Variants in RABGEF1 observed in about 807,000 individuals in gnomAD.
The protein encoded by RABGEF1 is rab5 GDP/GTP exchange factor.
In RABGEF1, 26 loss-of-function variants were observed where a neutral mutation model predicts 57.3. The ratio of observed to expected loss-of-function variants is 0.45; its 90% CI spans 0.33 to 0.63. RABGEF1 has a LOEUF of 0.63. Among genes scored for constraint, RABGEF1 ranks in the 20% least tolerant of loss-of-function variants. The pLI, the probability that RABGEF1 is intolerant of heterozygous loss-of-function variation, is 0.02. For missense variants in RABGEF1, 464 were observed against 607.6 expected, an observed-to-expected ratio of 0.76 and a Z score of 2.48; for synonymous variants, 185 against 210.7, an observed-to-expected ratio of 0.88 and a Z score of 1.06.
chr7:66,763,222 G>C (rs1437531700), intron 1 of RABGEF1, among the ~76,000 whole-genome samples: 1 of 152,124 alleles, frequency 6.6e-6, no homozygotes, highest in Non-Finnish European at 1.5e-5. Context: ...AGGCTCCGCT[G>C]GGTATTCTGC....
rs111557384 is a variant in RABGEF1, at chr7:66,804,604, G to C, written c.821-536G>C. Among the ~76,000 whole-genome samples, 425 of 152,108 alleles carry C rather than the reference G, an allele frequency of 2.8e-3. 1 individual carries two copies. The highest frequency in any genetic ancestry group is 9.9e-3 in the African/African-American group (409 of 41,490). Reference sequence around the variant, plus strand: ...ACAAAAAGTAGCTGGGTGTGGTGGCGGGCATCTGTAATCTCAGCTACTTTA... The same window carrying C: ...ACAAAAAGTAGCTGGGTGTGGTGGCCGGCATCTGTAATCTCAGCTACTTTA... On this transcript the variant is annotated intron_variant, in intron 7 of 8. Coordinates refer to ENST00000284957, the MANE Select transcript of RABGEF1 (RefSeq NM_014504.3).
In RABGEF1 at chr7:66,735,036, C is replaced by A. The variant is rs557848588; in HGVS notation, c.-814-4960C>A. Among the ~76,000 whole-genome samples, 5 of 152,284 alleles carry A rather than the reference C, an allele frequency of 3.3e-5. No individual in the cohort carries two copies. In the East Asian group the frequency reaches 7.7e-4, roughly 23 times the overall value. The stretch of plus-strand genomic sequence containing the variant: ...TAAGGAAAATTTATGAATGCTTTTC[C>A]AGAGGCTAAAAAGAATTTATTTCCT... On this transcript the variant is annotated intron_variant and NMD_transcript_variant, in intron 2 of 9. Coordinates refer to the RABGEF1 transcript ENST00000607882.
At chr7:66,661,298 C>CA in the RABGEF1 span, among the ~76,000 whole-genome samples, 144 of 78,008 alleles carry the variant, frequency 1.8e-3, 9 homozygotes, top group East Asian at 5.8e-3. Context: ...GACTCCATCT[C>CA]AAAAAAAAAA....
chr7:66,775,452 C>G, intron 3 of RABGEF1, 59 bp downstream of exon 3: 1 of 1,569,322 alleles, frequency 6.4e-7, no homozygotes, highest in African/African-American at 1.4e-5. Context: ...GAGGAGATCC[C>G]CAATGCTCAT....
the RABGEF1 span, among the ~76,000 whole-genome samples, chr7:66,674,407 T>G: frequency 2.0e-5 from 3 of 151,970 alleles, no homozygotes; most frequent in Non-Finnish European, 4.4e-5. Context: ...AGGCTGGTCT[T>G]GAACTCCTGA....
At chr7:66,785,434 T>A (rs949798386) in intron 4 of RABGEF1, among the ~76,000 whole-genome samples, 1 of 152,200 alleles carries the variant, frequency 6.6e-6, no homozygotes, top group Non-Finnish European at 1.5e-5. Flanking sequence ...GAGAAGCCCT[T>A]TTGGCCTTTG....
chr7:66,808,218 CTT>C (rs558669043), intron 8 of RABGEF1, among the ~76,000 whole-genome samples: 5 of 142,304 alleles, frequency 3.5e-5, no homozygotes, highest in Non-Finnish European at 4.6e-5. Context: ...AGAGTTGTTC[CTT>C]TTTTTTTTTT....
intron 3 of RABGEF1, among the ~76,000 whole-genome samples, chr7:66,778,087 C>G (rs1195822707): frequency 6.6e-6 from 1 of 152,088 alleles, no homozygotes; most frequent in Non-Finnish European, 1.5e-5. Flanking sequence ...ACACTGATTA[C>G]TTTTGTTTGG....
chr7:66,766,356 T>C (rs1805708587), intron 1 of RABGEF1, among the ~76,000 whole-genome samples: 1 of 151,968 alleles, frequency 6.6e-6, no homozygotes. Context: ...TGCCACTTAC[T>C]ACCTTTTTGA....
At chr7:66,794,807 G>A (rs188072768) in intron 4 of RABGEF1, among the ~76,000 whole-genome samples, 1 of 152,234 alleles carries the variant, frequency 6.6e-6, no homozygotes, top group Non-Finnish European at 1.5e-5. Context: ...TGAAAGAGGG[G>A]GAGCAACTCA....
At chr7:66,680,853 G>A (rs1789663644), upstream of RABGEF1, among the ~76,000 whole-genome samples, 1 of 152,068 alleles carries the variant, frequency 6.6e-6, no homozygotes, top group African/African-American at 2.4e-5. Context: ...AGGCCAAGGC[G>A]GGCGGATCAC....
At chr7:66,769,441 T>C (rs1806540922) in intron 1 of RABGEF1, among the ~76,000 whole-genome samples, 2 of 152,218 alleles carry the variant, frequency 1.3e-5, no homozygotes, top group Non-Finnish European at 2.9e-5. Flanking sequence ...AGATTGAGAT[T>C]GCGCTCAAAC....
intron 1 of RABGEF1, among the ~76,000 whole-genome samples, chr7:66,771,679 T>C (rs1352905601): frequency 1.3e-5 from 2 of 152,180 alleles, no homozygotes; most frequent in Non-Finnish European, 2.9e-5. Flanking sequence ...TAAGTCTTTC[T>C]TTAATATGGC....
the RABGEF1 span, among the ~76,000 whole-genome samples, chr7:66,659,520 G>A: frequency 6.7e-6 from 1 of 149,722 alleles, no homozygotes; most frequent in Admixed American, 6.6e-5. Flanking sequence ...TGGCTCAGGC[G>A]GGTAATCCCA....
At chr7:66,711,880 C>T (rs1422409341) in intron 1 of RABGEF1, among the ~76,000 whole-genome samples, 1 of 152,148 alleles carries the variant, frequency 6.6e-6, no homozygotes, top group African/African-American at 2.4e-5. Context: ...GCCACTGCAC[C>T]CGGACTGTAT....
Position 66,767,507 on chromosome 7 carries a change from G to T in RABGEF1, c.-17-4376G>T, listed in dbSNP as rs1186104640. Among the ~76,000 whole-genome samples the T allele has an allele frequency of 2.0e-5, 3 of 152,106 alleles. No individual in the cohort carries two copies. In the East Asian group the frequency reaches 5.8e-4, roughly 29 times the overall value. ...CCTAGTTCCTAAATGGAATCATATA[G>T]TATGTAAACTTTTAAGATGGCTGCT... is the stretch of plus-strand genomic sequence containing the variant. On this transcript the variant is annotated intron_variant, in intron 1 of 8. Transcript: ENST00000284957.
At chr7:66,789,238 A>C (rs1281971314) in intron 4 of RABGEF1, among the ~76,000 whole-genome samples, 1 of 152,216 alleles carries the variant, frequency 6.6e-6, no homozygotes, top group Admixed American at 6.5e-5. Flanking sequence ...TTTAACTAGC[A>C]AATAGGCTTT....
intron 3 of RABGEF1, among the ~76,000 whole-genome samples, chr7:66,782,139 G>GTT (rs1163604624): frequency 6.6e-6 from 1 of 152,058 alleles, no homozygotes; most frequent in African/African-American, 2.4e-5. Context: ...ACAATCTTTG[G>GTT]TTTTCCATTG....
Position 66,705,876 on chromosome 7 carries a change from ATTTTTTTTTTTTTTTTTTTTTT to A in RABGEF1, c.-872-6275_-872-6254del, listed in dbSNP as rs201838145. ...GGGCACACACCACCACACCCAGCTA[ATTTTTTTTTTTTTTTTTTTTTT>A]TTTTTTTTTTTTTTTGAGACGGAGT... On this transcript the variant is annotated intron_variant and NMD_transcript_variant, in intron 1 of 9. Coordinates refer to the RABGEF1 transcript ENST00000607882. 4.0e-4 allele frequency among the ~76,000 whole-genome samples: 18 copies of A among 45,172 alleles called. No homozygotes were observed. The South Asian group carries it at 7.4e-3, about 19-fold the overall frequency. The allele number at this position is 45,172 out of a possible 152,430, so 29.6% of individuals were successfully genotyped here. A position where few individuals can be genotyped will look rare whatever the true frequency, so the allele number is the denominator to read the frequency against.
Sources: gnomAD v4.1 joint callset for allele counts (sites outside exome capture counted in the v4.1 genomes callset) on GRCh38, gnomAD v4.1.1 for gene constraint, MANE v1.5 for transcripts, NCBI Gene and HGNC (gene_info 2026-07-23, HGNC 2026-07-21) for gene names.